Variants in UBE2N observed in about 807,000 individuals in gnomAD.
The protein encoded by UBE2N is ubiquitin-conjugating enzyme E2 N.
For synonymous variants in UBE2N, 70 were observed against 69.2 expected (o/e 1.01, Z -0.06); for missense variants, 60 against 192.1 (o/e 0.31, Z 4.07).
intron 1 of UBE2N, chr12:93,429,444 C>T (rs2121087560): frequency 3.5e-6 from 1 of 282,944 alleles, no homozygotes; most frequent in East Asian, 1.2e-4. Flanking sequence ...AGTCAATGAT[C>T]AACTGCACAA....
chr12:93,440,288 C>T (rs757805684), intron 1 of UBE2N, among the ~76,000 whole-genome samples: 2 of 152,084 alleles, frequency 1.3e-5, no homozygotes, highest in Non-Finnish European at 2.9e-5. Flanking sequence ...TAACTAAAAC[C>T]ACGTTGTACG....
In UBE2N at chr12:93,406,104, T is replaced by TA. The variant is rs1219631476; in HGVS notation, c.*3934dup. ...CAACATGGTGAAACCCCGTCTCTAC[T>TA]AAAAATACAAAAAATTAGCCAGGTG... On this transcript the variant is annotated 3_prime_UTR_variant, in exon 4 of 4. Transcript: ENST00000318066. 1 of 151,702 alleles carries TA rather than the reference T, an allele frequency of 6.6e-6. No individual in the cohort carries two copies. Among genetic ancestry groups the TA allele is most frequent in the African/African-American group, 2.4e-5 (1 of 41,294 alleles). The allele number at this position is 151,702 out of a possible 1,614,324, so 9.4% of individuals were successfully genotyped here.
intron 1 of UBE2N, chr12:93,424,400 G>A (rs886344665): frequency 2.6e-5 from 4 of 152,130 alleles, no homozygotes; most frequent in Admixed American, 6.5e-5. Context: ...ACTTTTCAGC[G>A]AAGCAAACAA....
At chr12:93,431,170 T>A (rs1001276384) in intron 1 of UBE2N, among the ~76,000 whole-genome samples, 1 of 152,106 alleles carries the variant, frequency 6.6e-6, no homozygotes, top group Non-Finnish European at 1.5e-5. Flanking sequence ...GAGATTGCAG[T>A]GAGCCGAGAT....
chr12:93,424,878 AC>A (rs528774244), intron 1 of UBE2N, among the ~76,000 whole-genome samples: 241 of 152,320 alleles, frequency 1.6e-3, no homozygotes, highest in Non-Finnish European at 3.0e-3. Flanking sequence ...TTGTGCTTTC[AC>A]AAAATCTATG....
intron 1 of UBE2N, among the ~76,000 whole-genome samples, chr12:93,439,365 G>A (rs183996073): frequency 3.3e-5 from 5 of 152,176 alleles, no homozygotes; most frequent in Admixed American, 1.3e-4. Flanking sequence ...TGCAGTCCCA[G>A]CTATTGAAGA....
At chr12:93,412,874 G>C (rs1018307779) in intron 1 of UBE2N, among the ~76,000 whole-genome samples, 4 of 152,224 alleles carry the variant, frequency 2.6e-5, no homozygotes, top group African/African-American at 9.7e-5. Flanking sequence ...AGGCTAAATT[G>C]TGGGAGCTAA....
chr12:93,439,055 A>C (rs1879019884), intron 1 of UBE2N, among the ~76,000 whole-genome samples: 1 of 152,256 alleles, frequency 6.6e-6, no homozygotes. Context: ...AGAAATCTAC[A>C]AATGTAAATA....
At chr12:93,431,630 C>A (rs936487107) in intron 1 of UBE2N, among the ~76,000 whole-genome samples, 1 of 152,130 alleles carries the variant, frequency 6.6e-6, no homozygotes, top group Admixed American at 6.5e-5. Context: ...ATATGACCAA[C>A]CTCACTTCAG....
chr12:93,434,568 A>T (rs1878873249), intron 1 of UBE2N, among the ~76,000 whole-genome samples: 1 of 152,220 alleles, frequency 6.6e-6, no homozygotes, highest in Non-Finnish European at 1.5e-5. Context: ...TAATCAAAAC[A>T]TTAGATAGTA....
chr12:93,412,764 G>A (rs1878067667), intron 1 of UBE2N, among the ~76,000 whole-genome samples: 1 of 152,188 alleles, frequency 6.6e-6, no homozygotes, highest in Admixed American at 6.5e-5. Flanking sequence ...GTAACTTGTG[G>A]AATGCTGAGA....
chr12:93,424,655 A>G (rs1878523061), intron 1 of UBE2N, among the ~76,000 whole-genome samples: 1 of 152,242 alleles, frequency 6.6e-6, no homozygotes, highest in South Asian at 2.1e-4. Flanking sequence ...GACCATTCGT[A>G]TGACAGTCTG....
intron 2 of UBE2N, 76 bp downstream of exon 2, chr12:93,410,977 C>G (rs756534417): frequency 6.2e-7 from 1 of 1,612,888 alleles, no homozygotes; most frequent in South Asian, 1.1e-5. Context: ...ATAATGTTTA[C>G]ATTCTAAACA....
chr12:93,411,848 C>A (rs1286644290), intron 1 of UBE2N, among the ~76,000 whole-genome samples: 1 of 152,072 alleles, frequency 6.6e-6, no homozygotes, highest in Non-Finnish European at 1.5e-5. Context: ...TGTGCGCCAC[C>A]ACACCTAGCT....
At chr12:93,421,628 C>T (rs1035996084) in intron 1 of UBE2N, among the ~76,000 whole-genome samples, 1 of 151,938 alleles carries the variant, frequency 6.6e-6, no homozygotes. Context: ...GCCATAATGT[C>T]ATAAATTTTT....
intron 1 of UBE2N, among the ~76,000 whole-genome samples, chr12:93,437,171 C>T (rs1273556409): frequency 6.6e-6 from 1 of 151,598 alleles, no homozygotes; most frequent in African/African-American, 2.4e-5. Flanking sequence ...ATTAAACAGC[C>T]CTTTGAGAAA....
At chr12:93,429,609 C>T (rs1878698193) in intron 1 of UBE2N, among the ~76,000 whole-genome samples, 1 of 151,548 alleles carries the variant, frequency 6.6e-6, no homozygotes, top group African/African-American at 2.4e-5. Flanking sequence ...CAGGCAGGTC[C>T]TTCAGGAGGT....
At chr12:93,426,564 T>C (rs1878592310) in intron 1 of UBE2N, among the ~76,000 whole-genome samples, 1 of 152,212 alleles carries the variant, frequency 6.6e-6, no homozygotes, top group East Asian at 1.9e-4. Context: ...AAAAACCCTA[T>C]AAAACCCCTA....
intron 1 of UBE2N, among the ~76,000 whole-genome samples, chr12:93,425,614 A>T (rs1325018668): frequency 6.6e-6 from 1 of 152,222 alleles, no homozygotes; most frequent in Non-Finnish European, 1.5e-5. Context: ...CCACAGAGTA[A>T]GGAAAACCAC....
Sources: gnomAD v4.1 joint callset for allele counts (sites outside exome capture counted in the v4.1 genomes callset) on GRCh38, gnomAD v4.1.1 for gene constraint, MANE v1.5 for transcripts, NCBI Gene and HGNC (gene_info 2026-07-23, HGNC 2026-07-21) for gene names.